Variants in MTHFD1 observed in about 807,000 individuals in gnomAD.
MTHFD1 encodes the protein methylenetetrahydrofolate dehydrogenase, cyclohydrolase and formyltetrahydrofolate synthetase 1.
MTHFD1 carries 44 observed loss-of-function variants against 110.3 expected under a neutral mutation model. That is an observed-to-expected ratio of 0.40 (90% CI 0.31 to 0.51). The LOEUF (loss-of-function observed/expected upper bound fraction) is 0.51, where lower values mean the gene tolerates loss of function less well. Ranked by LOEUF, MTHFD1 falls within the 20% of genes least tolerant of loss-of-function variation. The probability of loss-of-function intolerance (pLI) is 0.60; values close to 1 mark genes in which losing one functional copy is unlikely to be tolerated. For synonymous variants in MTHFD1, 402 were observed against 428.8 expected (o/e 0.94, Z 0.77); for missense variants, 909 against 1,173.1 (o/e 0.77, Z 3.29).
intron 12 of MTHFD1, among the ~76,000 whole-genome samples, chr14:64,429,384 G>T (rs2078142090): frequency 6.6e-6 from 1 of 151,474 alleles, no homozygotes. Context: ...AGGCTGGAGT[G>T]CAGTGGCATG....
chr14:64,425,045 A>G, intron 9 of MTHFD1, 114 bp downstream of exon 9: 1 of 1,330,506 alleles, frequency 7.5e-7, no homozygotes, highest in South Asian at 1.3e-5. Flanking sequence ...ATGTGAATTT[A>G]TTGAGAAAAA....
chr14:64,424,372 G>T, intron 8 of MTHFD1: 1 of 243,378 alleles, frequency 4.1e-6, no homozygotes, highest in Non-Finnish European at 8.1e-6. Context: ...CTCACACATG[G>T]AGCTCACAAA....
chr14:64,419,733 G>A (rs903890193), intron 7 of MTHFD1, 81 bp from the exon 8 acceptor site: 5 of 916,026 alleles, frequency 5.5e-6, no homozygotes, highest in Non-Finnish European at 9.0e-6. Flanking sequence ...CAAAGCTCAG[G>A]GATATCCTTT....
At chr14:64,410,505 C>T (rs1407808793) in intron 2 of MTHFD1, among the ~76,000 whole-genome samples, 2 of 152,150 alleles carry the variant, frequency 1.3e-5, no homozygotes, top group Non-Finnish European at 2.9e-5. Context: ...GGATTATAGA[C>T]CTGAGTTGCT....
At position 64,441,434 on chromosome 14, in the gene MTHFD1, A is replaced by G. The variant is rs1428309584; in HGVS notation, c.1865A>G (p.Asn622Ser). Residue 622 changes from asparagine (N) to serine (S), a missense_variant, in exon 19 of 28, where the codon AAT (asparagine) becomes AGT (serine). Physicochemically the swap from Asn to Ser is conservative, Grantham distance 46 (BLOSUM62 1). Transcript: ENST00000652337. ...TVLMKDAIKPNLMQTLEGTPV... is the reference protein window; with the variant it reads ...TVLMKDAIKPSLMQTLEGTPV... ...CTTATGAAGGACGCAATCAAGCCCA[A>G]TCTCATGCAGACACTGGAGGTGAGC... The G allele has an allele frequency of 6.2e-7, 1 of 1,614,064 alleles. No individual in the cohort carries two copies. Among genetic ancestry groups the G allele is most frequent in the African/African-American group, 1.3e-5 (1 of 75,032 alleles).
chr14:64,397,766 C>T (rs1388097711), intron 1 of MTHFD1, among the ~76,000 whole-genome samples: 1 of 151,756 alleles, frequency 6.6e-6, no homozygotes, highest in Non-Finnish European at 1.5e-5. Flanking sequence ...TTTCATGCTG[C>T]CTCCTTTGCC....
At chr14:64,418,630 C>T (rs1425902403) in intron 7 of MTHFD1, among the ~76,000 whole-genome samples, 1 of 151,946 alleles carries the variant, frequency 6.6e-6, no homozygotes, top group Admixed American at 6.6e-5. Context: ...AATCTCAGCT[C>T]ACCACAACCT....
chr14:64,417,120 C>T lies in MTHFD1; in HGVS notation c.479-768C>T, dbSNP rs1474242267. ...TTCTTCTTTGTGGACAGCTCATTTT[C>T]GGGCTCCACTTTGTGGCCACAAACA... On this transcript the variant is annotated intron_variant, in intron 6 of 27. Coordinates refer to ENST00000652337, the MANE Select transcript of MTHFD1 (RefSeq NM_005956.4). This position sits in a 1 kb window ranked among gnomAD's most constrained non-coding sequence, Gnocchi z 4.4. Among the ~76,000 whole-genome samples, 2 of 152,152 alleles carry T rather than the reference C, an allele frequency of 1.3e-5. No homozygotes were observed. Among genetic ancestry groups the T allele is most frequent in the African/African-American group, 4.8e-5 (2 of 41,422 alleles).
intron 7 of MTHFD1, chr14:64,419,354 T>G: frequency 4.7e-6 from 1 of 214,322 alleles, no homozygotes; most frequent in Non-Finnish European, 8.6e-6. Context: ...TGCATCAGAT[T>G]CCTGAGCCCA....
rs560869064 is a variant in MTHFD1, at chr14:64,454,892, A to G, written c.2718+17A>G. The G allele has an allele frequency of 8.7e-6, 14 of 1,613,726 alleles. No homozygotes were observed. Among genetic ancestry groups the G allele is most frequent in the Non-Finnish European group, 1.0e-5 (12 of 1,179,630 alleles). ...GTAGGAACGGTAAGTGCATGCTGCA[A>G]GGGAGTAGTGGGCGCATCTGCACTT... is the stretch of plus-strand genomic sequence containing the variant. On this transcript the variant is annotated intron_variant, in intron 26 of 27. Transcript: ENST00000652337.
At chr14:64,415,256 G>A (rs2078016124) in intron 4 of MTHFD1, 102 bp from the exon 5 acceptor site, 2 of 945,192 alleles carry the variant, frequency 2.1e-6, no homozygotes, top group Admixed American at 1.7e-5. Context: ...TAATTAAAGT[G>A]TTGGGGGGAA....
At position 64,441,968 on chromosome 14, in the gene MTHFD1, T is replaced by TC. The variant is rs1410545973; in HGVS notation, c.1885-84dup. The stretch of plus-strand genomic sequence containing the variant: ...TCTGGGAAGTATTCTTCCTTCCGAT[T>TC]CCAAATCAATTCCATACCGTTGAAT... On this transcript the variant is annotated intron_variant, in intron 19 of 27. Transcript: ENST00000652337. The TC allele has an allele frequency of 5.3e-5, 48 of 903,476 alleles. 2 individuals are homozygous for TC. In the South Asian group the frequency reaches 6.2e-4, roughly 12 times the overall value. 56.0% of individuals were successfully genotyped at this position (903,476 alleles called of 1,614,324 possible).
chr14:64,416,298 T>C (rs1055435537), intron 6 of MTHFD1, among the ~76,000 whole-genome samples: 3 of 152,160 alleles, frequency 2.0e-5, no homozygotes, highest in African/African-American at 7.2e-5. Context: ...AGAGAGCAAG[T>C]AACTTGTCTG....
At position 64,434,954 on chromosome 14, in the gene MTHFD1, T is replaced by C. The variant is rs112320217; in HGVS notation, c.1495-615T>C. On this transcript the variant is annotated intron_variant, in intron 15 of 27. Transcript: ENST00000652337. ...CGTGAAGCTCTCCCTCTTTTCTTTT[T>C]TTTTTTTTTTTTTTTTTTTTTGAGA... 1.3e-3 allele frequency among the ~76,000 whole-genome samples: 140 copies of C among 106,534 alleles called. 1 individual carries two copies. Among genetic ancestry groups the C allele is most frequent in the African/African-American group, 5.0e-3 (112 of 22,316 alleles). The allele number at this position is 106,534 out of a possible 152,430, so 69.9% of individuals were successfully genotyped here.
chr14:64,393,297 G>A (rs2077821154), intron 1 of MTHFD1, among the ~76,000 whole-genome samples: 1 of 152,146 alleles, frequency 6.6e-6, no homozygotes, highest in Non-Finnish European at 1.5e-5. Context: ...TACTCCAGAG[G>A]CTGAGACAGG....
chr14:64,397,213 C>A (rs865783311), intron 1 of MTHFD1, among the ~76,000 whole-genome samples: 2 of 80,192 alleles, frequency 2.5e-5, no homozygotes, highest in Non-Finnish European at 4.4e-5. Context: ...TCTATTGGGG[C>A]AGGGGATAAA....
chr14:64,429,266 A>ATATATATATATATATATC, intron 12 of MTHFD1, among the ~76,000 whole-genome samples: 1 of 145,814 alleles, frequency 6.9e-6, no homozygotes, highest in East Asian at 2.1e-4. Context: ...AAAAAAATAT[A>ATATATATATATATATATC]TATCTGATTT....
At chr14:64,392,305 A>C (rs1275250759) in intron 1 of MTHFD1, among the ~76,000 whole-genome samples, 1 of 152,216 alleles carries the variant, frequency 6.6e-6, no homozygotes, top group Non-Finnish European at 1.5e-5. Context: ...GTCTTTTAAA[A>C]GATTATGCAA....
In MTHFD1 at chr14:64,415,459, G is replaced by A. The variant is rs779817311; in HGVS notation, c.342G>A (p.Val114=). 2 of 1,614,106 alleles carry A rather than the reference G, an allele frequency of 1.2e-6. No homozygotes were observed. The highest frequency in any genetic ancestry group is 2.2e-5 in the South Asian group (2 of 91,076). ...DSENSINTEE[V]INAIAPEKDV... is the part of the protein sequence containing the mutation. ...AGAATTCCATTAACACTGAAGAAGT[G>A]ATCAATGCTATTGCACCCGAGAAGG... The change falls in exon 5 of 28, where the codon GTG becomes GTA. Residue 114 remains valine, a synonymous_variant. Coordinates refer to ENST00000652337, the MANE Select transcript of MTHFD1 (RefSeq NM_005956.4).
Sources: gnomAD v4.1 joint callset for allele counts (sites outside exome capture counted in the v4.1 genomes callset) on GRCh38, gnomAD v4.1.1 for gene constraint, Gnocchi (gnomAD v3.1) non-coding constraint, MANE v1.5 for transcripts, NCBI Gene and HGNC (gene_info 2026-07-23, HGNC 2026-07-21) for gene names.